SUPT3H: variants seen among roughly 807,000 people sequenced by gnomAD.
The protein encoded by SUPT3H is transcription initiation protein SPT3 homolog.
SUPT3H carries 44 observed loss-of-function variants against 44.3 expected under a neutral mutation model. The ratio of observed to expected loss-of-function variants is 0.99; its 90% CI spans 0.78 to 1.28. The LOEUF (loss-of-function observed/expected upper bound fraction) is 1.28, where lower values mean the gene tolerates loss of function less well. Among genes scored for constraint, SUPT3H ranks in the 50% most tolerant of loss-of-function variants. SUPT3H has a pLI of 0.00. For missense variants in SUPT3H, 380 were observed against 387.1 expected, an observed-to-expected ratio of 0.98 and a Z score of 0.15; for synonymous variants, 124 against 125.6, an observed-to-expected ratio of 0.99 and a Z score of 0.09.
intron 2 of SUPT3H, among the ~76,000 whole-genome samples, chr6:45,311,741 G>A (rs988164958): frequency 5.3e-5 from 8 of 152,094 alleles, no homozygotes; most frequent in African/African-American, 1.9e-4. Context: ...GAAAGATACA[G>A]TCATTTTCAG....
chr6:44,906,632 G>A (rs2153451032), intron 10 of SUPT3H, among the ~76,000 whole-genome samples: 1 of 152,106 alleles, frequency 6.6e-6, no homozygotes, highest in Middle Eastern at 3.4e-3. Flanking sequence ...CATGGTGGTG[G>A]GCCCCTATAA....
chr6:45,351,457 G>A (rs1465343421), intron 2 of SUPT3H, among the ~76,000 whole-genome samples: 1 of 152,074 alleles, frequency 6.6e-6, no homozygotes, highest in African/African-American at 2.4e-5. Flanking sequence ...CTGTAACATA[G>A]TAAAATGAGG....
chr6:45,275,895 C>A (rs1212911592), intron 2 of SUPT3H, among the ~76,000 whole-genome samples: 1 of 152,040 alleles, frequency 6.6e-6, no homozygotes, highest in African/African-American at 2.4e-5. Context: ...AAAAGAAACA[C>A]ACACTGAAAA....
At chr6:45,102,297 A>G (rs7750380) in intron 3 of SUPT3H, among the ~76,000 whole-genome samples, 89,261 of 151,862 alleles carry the variant, frequency 0.59, 27,107 homozygotes, top group African/African-American at 0.75. Flanking sequence ...GAGAGACACA[A>G]AAGAGGAAAA....
chr6:45,006,612 T>G (rs1562245038), intron 5 of SUPT3H, among the ~76,000 whole-genome samples: 1 of 152,100 alleles, frequency 6.6e-6, no homozygotes, highest in Non-Finnish European at 1.5e-5. Context: ...AGGTAACATT[T>G]TCCCAATCAA....
chr6:45,278,852 T>A (rs1277680790), intron 2 of SUPT3H, among the ~76,000 whole-genome samples: 1 of 152,190 alleles, frequency 6.6e-6, no homozygotes, highest in Non-Finnish European at 1.5e-5. Flanking sequence ...CTGCAAATTA[T>A]TCATGAATAA....
chr6:45,308,038 T>C (rs199587271), intron 2 of SUPT3H, among the ~76,000 whole-genome samples: 1 of 151,734 alleles, frequency 6.6e-6, no homozygotes, highest in East Asian at 1.9e-4. Context: ...TGAAATGAAG[T>C]GAGAAGAGAA....
chr6:45,252,446 T>C (rs1772536369), intron 2 of SUPT3H, among the ~76,000 whole-genome samples: 1 of 152,202 alleles, frequency 6.6e-6, no homozygotes, highest in South Asian at 2.1e-4. Context: ...AATAGATATT[T>C]GCCAATTGTC....
chr6:44,976,249 G>A (rs756629764), intron 6 of SUPT3H, among the ~76,000 whole-genome samples: 4 of 152,260 alleles, frequency 2.6e-5, no homozygotes, highest in South Asian at 4.1e-4. Context: ...TGACTATCAC[G>A]AAGATACAAG....
chr6:45,041,785 G>T (rs1185060513), intron 3 of SUPT3H, among the ~76,000 whole-genome samples: 1 of 152,120 alleles, frequency 6.6e-6, no homozygotes, highest in Admixed American at 6.6e-5. Context: ...ATAGGATATT[G>T]TAAAGATATC....
chr6:44,922,769 G>C (rs1768934904), intron 10 of SUPT3H, among the ~76,000 whole-genome samples: 1 of 152,084 alleles, frequency 6.6e-6, no homozygotes, highest in Non-Finnish European at 1.5e-5. Flanking sequence ...ATCTATCTGA[G>C]TATTTATAAT....
chr6:45,253,872 T>TATATATATATATATATATATATATAC (rs1491408260), intron 2 of SUPT3H, among the ~76,000 whole-genome samples: 52 of 124,040 alleles, frequency 4.2e-4, no homozygotes, highest in East Asian at 1.7e-3. Context: ...TATATATATA[T>TATATATATATATATATATATATATAC]ACACACACAC....
At chr6:45,080,006 G>A (rs1795570430) in intron 3 of SUPT3H, among the ~76,000 whole-genome samples, 1 of 152,108 alleles carries the variant, frequency 6.6e-6, no homozygotes, top group South Asian at 2.1e-4. Context: ...AACAAAGTAA[G>A]AGACAACCCA....
intron 10 of SUPT3H, among the ~76,000 whole-genome samples, chr6:44,902,897 C>T (rs536777614): frequency 4.6e-5 from 7 of 152,150 alleles, no homozygotes; most frequent in Non-Finnish European, 1.0e-4. Context: ...TGCTCAACTA[C>T]ATGGAAACTG....
intron 3 of SUPT3H, among the ~76,000 whole-genome samples, chr6:45,027,928 GA>G (rs1449822402): frequency 6.6e-6 from 1 of 152,020 alleles, no homozygotes; most frequent in East Asian, 1.9e-4. Flanking sequence ...GCCTTTGTGT[GA>G]CTTTTCCCCT....
chr6:44,828,489 TAAA>T lies in SUPT3H; in HGVS notation c.*1324_*1326del, dbSNP rs901954294. Among the ~76,000 whole-genome samples, 1 of 152,156 alleles carries T rather than the reference TAAA, an allele frequency of 6.6e-6. No homozygotes were observed. Among genetic ancestry groups the T allele is most frequent in the Non-Finnish European group, 1.5e-5 (1 of 67,988 alleles). ...TTCTTTGAGTCTGATGGTTTTCAAA[TAAA>T]AAGTCTTGAATTTAAAATTGAAACA... On this transcript the variant is annotated 3_prime_UTR_variant, in exon 11 of 11. Coordinates refer to ENST00000371459, the MANE Select transcript of SUPT3H (RefSeq NM_003599.4).
At chr6:45,287,182 G>GTA (rs1779450859) in intron 2 of SUPT3H, among the ~76,000 whole-genome samples, 1 of 151,810 alleles carries the variant, frequency 6.6e-6, no homozygotes. Context: ...CATGGCACAT[G>GTA]TATACATATG....
At chr6:45,205,054 C>T (rs1215908412) in intron 2 of SUPT3H, among the ~76,000 whole-genome samples, 2 of 152,104 alleles carry the variant, frequency 1.3e-5, no homozygotes, top group East Asian at 1.9e-4. Context: ...AATAATATCT[C>T]GTAGATTCCA....
At chr6:44,849,456 T>G (rs1276891188) in intron 10 of SUPT3H, among the ~76,000 whole-genome samples, 1 of 151,820 alleles carries the variant, frequency 6.6e-6, no homozygotes, top group African/African-American at 2.4e-5. Flanking sequence ...CTCGATCTCC[T>G]GACCTCGTGA....
Sources: gnomAD v4.1 joint callset for allele counts (sites outside exome capture counted in the v4.1 genomes callset) on GRCh38, gnomAD v4.1.1 for gene constraint, MANE v1.5 for transcripts, NCBI Gene and HGNC (gene_info 2026-07-23, HGNC 2026-07-21) for gene names.